TTC28: variants seen among roughly 807,000 people sequenced by gnomAD.
TTC28 encodes the protein tetratricopeptide repeat protein 28.
A neutral mutation model predicts 198.0 loss-of-function variants in TTC28; 61 were observed. That is an observed-to-expected ratio of 0.31 (90% CI 0.25 to 0.38). The LOEUF is 0.38. TTC28 is among the 10% of genes least tolerant of loss of function. The pLI, the probability that TTC28 is intolerant of heterozygous loss-of-function variation, is 1.00. For synonymous variants in TTC28, 1,171 were observed against 1,297.8 expected (o/e 0.90, Z 2.10); for missense variants, 2,678 against 3,164.0 (o/e 0.85, Z 3.69).
intron 2 of TTC28, among the ~76,000 whole-genome samples, chr22:28,424,739 C>A (rs188113562): frequency 2.0e-5 from 3 of 152,176 alleles, no homozygotes; most frequent in Non-Finnish European, 4.4e-5. Context: ...ACATTTAGAT[C>A]TTTGCTAATT....
chr22:28,520,847 T>C (rs2146426177), intron 2 of TTC28, among the ~76,000 whole-genome samples: 1 of 151,616 alleles, frequency 6.6e-6, no homozygotes, highest in East Asian at 2.0e-4. Context: ...GAAGTCAGGA[T>C]TTCAAGACCA....
At chr22:28,164,168 C>T (rs1043430919) in intron 5 of TTC28, among the ~76,000 whole-genome samples, 3 of 152,184 alleles carry the variant, frequency 2.0e-5, no homozygotes, top group Admixed American at 6.5e-5. Flanking sequence ...GGCTGGAGCC[C>T]ACCACAGTTC....
At chr22:28,328,760 AATAATAATAAT>A (rs2045570958) in intron 2 of TTC28, among the ~76,000 whole-genome samples, 1 of 1,790 alleles carries the variant, frequency 5.6e-4, no homozygotes, top group Non-Finnish European at 1.4e-3. Context: ...TCTCAAAAAT[AATAATAATAAT>A]AATAATAATA....
intron 18 of TTC28, 123 bp from the exon 19 acceptor site, chr22:27,992,786 C>T (rs1346316153): frequency 1.1e-5 from 10 of 881,040 alleles, no homozygotes; most frequent in Non-Finnish European, 1.6e-5. Context: ...AAGCTCAGCA[C>T]AGCTAGACAT....
At chr22:28,624,294 C>G (rs1019500156) in intron 2 of TTC28, among the ~76,000 whole-genome samples, 1 of 151,890 alleles carries the variant, frequency 6.6e-6, no homozygotes, top group Non-Finnish European at 1.5e-5. Flanking sequence ...AGGAGAATGG[C>G]GTGAACCCGG....
chr22:28,306,016 T>C (rs982037043), intron 3 of TTC28, among the ~76,000 whole-genome samples: 3 of 152,204 alleles, frequency 2.0e-5, no homozygotes, highest in Admixed American at 6.5e-5. Flanking sequence ...TCTGAAAAAT[T>C]TGAGACACAG....
rs1601687843 is a variant in TTC28 at position 28,677,170 on chromosome 22, A to AT, written c.102+2451_102+2452insA. ...GACTCCATCTCAGGAAAAAAAAAAA[A>AT]AAAAAATATATATATATATATATAT... On this transcript the variant is annotated intron_variant, in intron 1 of 22. Transcript: ENST00000397906. Among the ~76,000 whole-genome samples, 4 of 20,514 alleles carry AT rather than the reference A, an allele frequency of 1.9e-4. No homozygotes were observed. The East Asian group carries it at 4.3e-3, about 22-fold the overall frequency. 13.5% of individuals were successfully genotyped at this position (20,514 alleles called of 152,430 possible). A position where few individuals can be genotyped will look rare whatever the true frequency, so the allele number is the denominator to read the frequency against.
intron 5 of TTC28, among the ~76,000 whole-genome samples, chr22:28,204,663 C>T (rs1320138401): frequency 6.6e-6 from 1 of 151,964 alleles, no homozygotes; most frequent in Non-Finnish European, 1.5e-5. Context: ...TCACACACAG[C>T]CAAACAGTAA....
intron 2 of TTC28, among the ~76,000 whole-genome samples, chr22:28,378,914 A>G (rs2046454199): frequency 6.6e-6 from 1 of 152,180 alleles, no homozygotes; most frequent in African/African-American, 2.4e-5. Context: ...TCTAGGTTTA[A>G]TAACTGTTAT....
At chr22:28,103,022 G>A (rs1375917599) in intron 8 of TTC28, among the ~76,000 whole-genome samples, 2 of 152,172 alleles carry the variant, frequency 1.3e-5, no homozygotes, top group African/African-American at 4.8e-5. Context: ...AATTCACTGA[G>A]ACAACTCCTG....
At chr22:28,231,024 A>G (rs1445038389) in intron 5 of TTC28, among the ~76,000 whole-genome samples, 1 of 152,244 alleles carries the variant, frequency 6.6e-6, no homozygotes, top group Non-Finnish European at 1.5e-5. Flanking sequence ...TGCCCAAGTT[A>G]TCCCCAAGTA....
At position 28,652,843 on chromosome 22, in the gene TTC28, T is replaced by TTGCCC. The variant is rs1203966793; in HGVS notation, c.103-23014_103-23013insGGGCA. On this transcript the variant is annotated intron_variant, in intron 1 of 22. Transcript: ENST00000397906. ...TACAAAAGGAAACTGACAGCATCTT[T>TTGCCC]ACCATTTGCCCAACTGATCCCTATT... 3.9e-5 allele frequency among the ~76,000 whole-genome samples: 6 copies of TTGCCC among 152,304 alleles called. No homozygotes were observed. The South Asian group carries it at 1.2e-3, about 32-fold the overall frequency.
intron 2 of TTC28, among the ~76,000 whole-genome samples, chr22:28,373,688 T>A (rs1427016808): frequency 6.6e-6 from 1 of 152,184 alleles, no homozygotes; most frequent in African/African-American, 2.4e-5. Context: ...ACAAAATAAC[T>A]ATACGAAGTT....
At chr22:28,390,971 G>A (rs933066542) in intron 2 of TTC28, among the ~76,000 whole-genome samples, 10 of 152,150 alleles carry the variant, frequency 6.6e-5, no homozygotes, top group East Asian at 1.9e-4. Flanking sequence ...ATTTTGCAGC[G>A]GCTGGTATCA....
At chr22:28,201,918 T>A (rs144471723) in intron 5 of TTC28, among the ~76,000 whole-genome samples, 2 of 151,966 alleles carry the variant, frequency 1.3e-5, no homozygotes, top group Admixed American at 6.6e-5. Context: ...GGACATAGAA[T>A]TGAATGAAAT....
At chr22:28,018,339 G>C (rs1302145543) in intron 13 of TTC28, among the ~76,000 whole-genome samples, 2 of 150,720 alleles carry the variant, frequency 1.3e-5, no homozygotes, top group African/African-American at 4.9e-5. Context: ...TCCCTAGAGA[G>C]ATCCTTTTCA....
intron 2 of TTC28, among the ~76,000 whole-genome samples, chr22:28,325,815 G>C (rs1185250943): frequency 6.6e-6 from 1 of 151,974 alleles, no homozygotes; most frequent in African/African-American, 2.4e-5. Context: ...TATTAGAATA[G>C]CAAACAAATA....
intron 1 of TTC28, among the ~76,000 whole-genome samples, chr22:28,663,199 G>A (rs1569089968): frequency 6.7e-6 from 1 of 149,690 alleles, no homozygotes; most frequent in Admixed American, 6.7e-5. Flanking sequence ...AGTGAGCCGA[G>A]ATAGTGCCGC....
At position 28,165,485 on chromosome 22, in the gene TTC28, A is replaced by G. The variant is rs1350451258; in HGVS notation, c.934-1886T>C. Among the ~76,000 whole-genome samples the G allele has an allele frequency of 2.6e-5, 4 of 151,116 alleles. No individual in the cohort carries two copies. The East Asian group carries it at 5.8e-4, about 22-fold the overall frequency. ...TCAGACTAACAGCTGATCTCAGGAC[A>G]GAAACTCTACAAGCCAGAAGAGAGT... is the stretch of plus-strand genomic sequence containing the variant. On this transcript the variant is annotated intron_variant, in intron 5 of 22. Transcript: ENST00000397906.
Sources: gnomAD v4.1 joint callset for allele counts (sites outside exome capture counted in the v4.1 genomes callset) on GRCh38, gnomAD v4.1.1 for gene constraint, MANE v1.5 for transcripts, NCBI Gene and HGNC (gene_info 2026-07-23, HGNC 2026-07-21) for gene names.